The following B3GALT1 variants were observed in gnomAD, a reference collection of about 807,000 sequenced individuals.
The protein encoded by B3GALT1 is UDP-Gal:betaGlcNAc beta 1,3-galactosyltransferase, polypeptide 1.
A neutral mutation model predicts 23.2 loss-of-function variants in B3GALT1; 10 were observed. The observed-to-expected ratio is 0.43, with a 90% CI of 0.27 to 0.73. The LOEUF is 0.73. Among genes scored for constraint, B3GALT1 ranks in the 30% least tolerant of loss-of-function variants. The probability of loss-of-function intolerance (pLI) is 0.21; values close to 1 mark genes in which losing one functional copy is unlikely to be tolerated. For missense variants in B3GALT1, 299 were observed against 405.4 expected, an observed-to-expected ratio of 0.74 and a Z score of 2.25; for synonymous variants, 156 against 141.5, an observed-to-expected ratio of 1.10 and a Z score of -0.73.
intron 1 of B3GALT1, among the ~76,000 whole-genome samples, chr2:167,312,000 A>G (rs1251776608): frequency 6.6e-6 from 1 of 151,994 alleles, no homozygotes; most frequent in Non-Finnish European, 1.5e-5. Context: ...AGTAAACCAC[A>G]CTTAGGTACA....
At chr2:167,478,566 T>C (rs961948857) in intron 1 of B3GALT1, among the ~76,000 whole-genome samples, 1 of 49,814 alleles carries the variant, frequency 2.0e-5, no homozygotes, top group Non-Finnish European at 5.7e-5. Flanking sequence ...AGGGTTATTA[T>C]AGTTTTTTTT....
chr2:167,419,456 A>G (rs962507815), intron 1 of B3GALT1, among the ~76,000 whole-genome samples: 13 of 152,220 alleles, frequency 8.5e-5, no homozygotes, highest in Non-Finnish European at 5.9e-5. Context: ...TATGAAAAAT[A>G]CAGAAAATGT....
chr2:167,675,237 A>G (rs1021492164), intron 3 of B3GALT1, among the ~76,000 whole-genome samples: 1 of 152,218 alleles, frequency 6.6e-6, no homozygotes, highest in African/African-American at 2.4e-5. Flanking sequence ...CCATTTCACC[A>G]TAGTGTAAGA....
intron 2 of B3GALT1, among the ~76,000 whole-genome samples, chr2:167,599,708 A>G (rs554535683): frequency 6.6e-6 from 1 of 152,340 alleles, no homozygotes; most frequent in African/African-American, 2.4e-5. Flanking sequence ...AACTTTAGAT[A>G]AACATAAACT....
At chr2:167,392,360 G>A (rs995191406) in intron 1 of B3GALT1, among the ~76,000 whole-genome samples, 2 of 151,954 alleles carry the variant, frequency 1.3e-5, no homozygotes, top group Non-Finnish European at 2.9e-5. Context: ...CTACTTCTCA[G>A]CCTGTTGATT....
intron 2 of B3GALT1, among the ~76,000 whole-genome samples, chr2:167,553,417 C>T (rs1683784386): frequency 6.6e-6 from 1 of 152,146 alleles, no homozygotes; most frequent in South Asian, 2.1e-4. Context: ...CCGAGAAAAC[C>T]TAAGTGGCTA....
intron 4 of B3GALT1, among the ~76,000 whole-genome samples, chr2:167,864,112 A>G (rs1426860847): frequency 6.6e-6 from 1 of 152,112 alleles, no homozygotes; most frequent in Non-Finnish European, 1.5e-5. Context: ...TGCTCTCAGC[A>G]TCTTCAAGCT....
chr2:167,493,880 T>G (rs986091890), intron 2 of B3GALT1, among the ~76,000 whole-genome samples: 2 of 152,154 alleles, frequency 1.3e-5, no homozygotes, highest in Non-Finnish European at 2.9e-5. Context: ...AGTCCATGAT[T>G]CTCCACTTTT....
chr2:167,712,108 A>G (rs934624417), intron 3 of B3GALT1, among the ~76,000 whole-genome samples: 2 of 152,138 alleles, frequency 1.3e-5, no homozygotes, highest in Admixed American at 6.5e-5. Flanking sequence ...GCCTTTTGGA[A>G]GCTTCTCTTT....
chr2:167,772,361 C>T (rs13024781), intron 3 of B3GALT1, among the ~76,000 whole-genome samples: 68,971 of 152,044 alleles, frequency 0.45, 15,933 homozygotes, highest in East Asian at 0.57. Context: ...ATTTAGTTCT[C>T]ATAACAACCC....
chr2:167,841,208 T>C (rs1431250853), intron 4 of B3GALT1, among the ~76,000 whole-genome samples: 1 of 149,266 alleles, frequency 6.7e-6, no homozygotes, highest in East Asian at 2.0e-4. Context: ...AATAAAAATA[T>C]GCCTTCACCA....
rs371550853 is a variant in B3GALT1 at position 167,468,774 on chromosome 2, G to A, written c.-510-21403G>A. 5.0e-4 allele frequency among the ~76,000 whole-genome samples: 76 copies of A among 152,302 alleles called. 3 individuals are homozygous for A. The East Asian group carries it at 0.013, about 26-fold the overall frequency. ...GAGTCCCAGCTACTTGACAGGCTGA[G>A]GCAGTAGAATAGCTTGAACCTGGGA... On this transcript the variant is annotated intron_variant, in intron 1 of 4. Coordinates refer to ENST00000392690, the MANE Select transcript of B3GALT1 (RefSeq NM_020981.4).
At chr2:167,308,483 T>C (rs1696582588) in intron 1 of B3GALT1, among the ~76,000 whole-genome samples, 1 of 152,048 alleles carries the variant, frequency 6.6e-6, no homozygotes, top group African/African-American at 2.4e-5. Flanking sequence ...TTATTTTCCA[T>C]TTCAATATAA....
chr2:167,608,466 T>C (rs1685005063), intron 2 of B3GALT1, among the ~76,000 whole-genome samples: 1 of 152,172 alleles, frequency 6.6e-6, no homozygotes. Flanking sequence ...ATTCTTAATC[T>C]TTTAAATTTA....
intron 3 of B3GALT1, among the ~76,000 whole-genome samples, chr2:167,711,798 A>G (rs1312280262): frequency 6.6e-6 from 1 of 152,046 alleles, no homozygotes; most frequent in Non-Finnish European, 1.5e-5. Flanking sequence ...AACTCCATCT[A>G]TCCTAAAAAT....
At chr2:167,741,574 C>T (rs548332879) in intron 3 of B3GALT1, among the ~76,000 whole-genome samples, 7 of 152,226 alleles carry the variant, frequency 4.6e-5, no homozygotes, top group African/African-American at 1.7e-4. Flanking sequence ...TTTATTATCA[C>T]CATGCATGCC....
intron 3 of B3GALT1, among the ~76,000 whole-genome samples, chr2:167,699,250 A>G (rs1162478613): frequency 6.6e-6 from 1 of 152,098 alleles, no homozygotes; most frequent in East Asian, 1.9e-4. Flanking sequence ...CTCACAGTTA[A>G]TAATGACTCT....
intron 2 of B3GALT1, among the ~76,000 whole-genome samples, chr2:167,587,387 T>C (rs1684601174): frequency 1.3e-5 from 2 of 152,228 alleles, no homozygotes. Flanking sequence ...AATATACTCA[T>C]TAACTTATTT....
intron 1 of B3GALT1, among the ~76,000 whole-genome samples, chr2:167,458,921 A>G (rs935126212): frequency 5.9e-5 from 9 of 152,146 alleles, no homozygotes; most frequent in Non-Finnish European, 1.3e-4. Context: ...GTCTAATATT[A>G]GTATAACCAC....
Sources: gnomAD v4.1 joint callset for allele counts (sites outside exome capture counted in the v4.1 genomes callset) on GRCh38, gnomAD v4.1.1 for gene constraint, MANE v1.5 for transcripts, NCBI Gene and HGNC (gene_info 2026-07-23, HGNC 2026-07-21) for gene names.